The following FNTB variants were observed in gnomAD, a reference collection of about 807,000 sequenced individuals.
FNTB encodes protein farnesyltransferase subunit beta.
A neutral mutation model predicts 59.4 loss-of-function variants in FNTB; 27 were observed. That is an observed-to-expected ratio of 0.45 (90% CI 0.34 to 0.63). The LOEUF (loss-of-function observed/expected upper bound fraction) is 0.63. Among genes scored for constraint, FNTB ranks in the 20% least tolerant of loss-of-function variants. The pLI is 0.02. For missense variants in FNTB, 449 were observed against 559.6 expected, an observed-to-expected ratio of 0.80 and a Z score of 1.99; for synonymous variants, 230 against 220.7, an observed-to-expected ratio of 1.04 and a Z score of -0.37.
At chr14:65,037,520 G>C (rs1312243816) in intron 7 of FNTB, among the ~76,000 whole-genome samples, 1 of 131,592 alleles carries the variant, frequency 7.6e-6, no homozygotes, top group African/African-American at 2.8e-5. Flanking sequence ...CTGTTGCCTC[G>C]ACTTTCCAGG....
intron 11 of FNTB, 120 bp from the exon 12 acceptor site, chr14:65,061,061 T>C: frequency 6.7e-7 from 1 of 1,489,306 alleles, no homozygotes; most frequent in Non-Finnish European, 9.0e-7. Context: ...CTTTGGGCTT[T>C]GTGTGTATCT....
intron 7 of FNTB, among the ~76,000 whole-genome samples, chr14:65,037,218 C>T (rs1479218501): frequency 2.0e-5 from 3 of 151,324 alleles, no homozygotes; most frequent in Non-Finnish European, 4.4e-5. Context: ...ATTCTCCTGC[C>T]TCAGCCTCCT....
At position 65,031,979 on chromosome 14, in the gene FNTB, C is replaced by CGTGTGTGTGTGTGTGTGTGT. The variant is rs563468928; in HGVS notation, c.606-610_606-591dup. The stretch of plus-strand genomic sequence containing the variant: ...ATAGACGTGCGCCTTTTTCATTTAA[C>CGTGTGTGTGTGTGTGTGTGT]GTGTGTGTGTGTGTGTGTGTGTGTG... On this transcript the variant is annotated intron_variant, in intron 6 of 11. Coordinates refer to ENST00000246166, the MANE Select transcript of FNTB (RefSeq NM_002028.4). This position sits in a 1 kb window ranked among gnomAD's most constrained non-coding sequence, Gnocchi z 4.6. 1.3e-3 allele frequency among the ~76,000 whole-genome samples: 180 copies of CGTGTGTGTGTGTGTGTGTGT among 141,270 alleles called. No individual in the cohort carries two copies. The highest frequency in any genetic ancestry group is 4.6e-3 in the African/African-American group (174 of 37,874). 92.7% of individuals were successfully genotyped at this position (141,270 alleles called of 152,430 possible). A position where few individuals can be genotyped will look rare whatever the true frequency, so the allele number is the denominator to read the frequency against.
In FNTB at chr14:65,061,331, G is replaced by C; in HGVS notation, c.*19G>C. ...CGACTAGAGGACCTGGGTCCCGGCAGCTCTTTGCTCACCCATCTCCCCAGT... is the reference window on the plus strand; with the variant it reads ...CGACTAGAGGACCTGGGTCCCGGCACCTCTTTGCTCACCCATCTCCCCAGT... On this transcript the variant is annotated 3_prime_UTR_variant, in exon 12 of 12. Coordinates refer to ENST00000246166, the MANE Select transcript of FNTB (RefSeq NM_002028.4). 2 of 1,612,996 alleles carry C rather than the reference G, an allele frequency of 1.2e-6. No individual in the cohort carries two copies. Among genetic ancestry groups the C allele is most frequent in the Non-Finnish European group, 8.5e-7 (1 of 1,179,936 alleles).
chr14:65,061,874 A>C lies in FNTB; in HGVS notation c.*562A>C, dbSNP rs915515631. On this transcript the variant is annotated 3_prime_UTR_variant, in exon 12 of 12. Coordinates refer to ENST00000246166, the MANE Select transcript of FNTB (RefSeq NM_002028.4). Reference sequence around the variant, plus strand: ...AAAAGAGCTGGAGGTGGGGAGAGAAAGATCTCCTTCAGTTGGGAGTCCTTC... The same window carrying C: ...AAAAGAGCTGGAGGTGGGGAGAGAACGATCTCCTTCAGTTGGGAGTCCTTC... 1 of 155,158 alleles carries C rather than the reference A, an allele frequency of 6.4e-6. No homozygotes were observed. Among genetic ancestry groups the C allele is most frequent in the Non-Finnish European group, 1.4e-5 (1 of 69,742 alleles). 9.6% of individuals were successfully genotyped at this position (155,158 alleles called of 1,614,324 possible). A position where few individuals can be genotyped will look rare whatever the true frequency, so the allele number is the denominator to read the frequency against.
Position 64,990,472 on chromosome 14 carries a change from C to T in FNTB, c.144+3375C>T, listed in dbSNP as rs76963500. On this transcript the variant is annotated intron_variant, in intron 1 of 11. Coordinates refer to ENST00000246166, the MANE Select transcript of FNTB (RefSeq NM_002028.4). This position sits in a 1 kb window ranked among gnomAD's most constrained non-coding sequence, Gnocchi z 5.2. ...CATTTCCTGTCATGTGCCTTCTCTG[C>T]GGAGCTCTTTGTCTCCCTCCCTCTC... Among the ~76,000 whole-genome samples the T allele has an allele frequency of 3.9e-5, 6 of 152,286 alleles. No individual in the cohort carries two copies. Among genetic ancestry groups the T allele is most frequent in the East Asian group, 1.9e-4 (1 of 5,180 alleles).
In FNTB at chr14:65,012,191, C is replaced by A; in HGVS notation, c.210-126C>A. 1 of 1,137,420 alleles carries A rather than the reference C, an allele frequency of 8.8e-7. No homozygotes were observed. The highest frequency in any genetic ancestry group is 1.4e-5 in the South Asian group (1 of 72,002). The allele number at this position is 1,137,420 out of a possible 1,614,324, so 70.5% of individuals were successfully genotyped here. On this transcript the variant is annotated intron_variant, in intron 2 of 11. Transcript: ENST00000246166. This position sits in a 1 kb window ranked among gnomAD's most constrained non-coding sequence, Gnocchi z 5.0. ...GGAACCAGAGAAGTTGCTGGTTATC[C>A]AGTCAGTGATTGCAGGGGGACGTCC...
intron 7 of FNTB, among the ~76,000 whole-genome samples, chr14:65,036,192 T>G (rs886617200): frequency 6.6e-6 from 1 of 152,174 alleles, no homozygotes; most frequent in African/African-American, 2.4e-5. Context: ...TGTCATAGTT[T>G]CCTTATATGT....
intron 7 of FNTB, among the ~76,000 whole-genome samples, chr14:65,039,234 G>A (rs146858191): frequency 5.9e-5 from 9 of 152,298 alleles, no homozygotes; most frequent in Non-Finnish European, 1.3e-4. Context: ...CCTCAGAGAG[G>A]AATCTTCTAA....
rs766318103 is a variant in FNTB, at chr14:65,029,670, G to A, written c.605+1889G>A. Among the ~76,000 whole-genome samples the A allele has an allele frequency of 3.3e-5, 5 of 152,214 alleles. No individual in the cohort carries two copies. The highest frequency in any genetic ancestry group is 7.3e-5 in the Non-Finnish European group (5 of 68,038). ...GCAGAAGTTTGGTGAGAAAGCATGT[G>A]TTGCTCAAGAAAGGACAAGTTCAGT... On this transcript the variant is annotated intron_variant, in intron 6 of 11. Transcript: ENST00000246166. This position sits in a 1 kb window ranked among gnomAD's most constrained non-coding sequence, Gnocchi z 4.7.
intron 1 of FNTB, 123 bp from the exon 2 acceptor site, chr14:65,004,126 G>A: frequency 2.0e-6 from 2 of 1,004,022 alleles, no homozygotes; most frequent in South Asian, 1.6e-5. Flanking sequence ...TTACAGTACT[G>A]TGAAGTTCCA....
chr14:64,989,786 A>G (rs1888117729), intron 1 of FNTB, among the ~76,000 whole-genome samples: 1 of 152,238 alleles, frequency 6.6e-6, no homozygotes, highest in Non-Finnish European at 1.5e-5. Flanking sequence ...GGCCAAGTTG[A>G]TGCCTTTATG....
chr14:65,023,375 C>G lies in FNTB; in HGVS notation c.375-4078C>G, dbSNP rs946183753. On this transcript the variant is annotated intron_variant, in intron 4 of 11. Coordinates refer to ENST00000246166, the MANE Select transcript of FNTB (RefSeq NM_002028.4). This position sits in a 1 kb window ranked among gnomAD's most constrained non-coding sequence, Gnocchi z 4.1. The stretch of plus-strand genomic sequence containing the variant: ...CTGGCCAGAATCAATCACTTTAGAT[C>G]AGTCCTCAGCCATCACCTAAGAGTC... Among the ~76,000 whole-genome samples, 1 of 152,132 alleles carries G rather than the reference C, an allele frequency of 6.6e-6. No homozygotes were observed. The highest frequency in any genetic ancestry group is 1.5e-5 in the Non-Finnish European group (1 of 68,028).
At position 65,031,131 on chromosome 14, in the gene FNTB, T is replaced by A. The variant is rs1489183075; in HGVS notation, c.606-1479T>A. 1.3e-5 allele frequency among the ~76,000 whole-genome samples: 2 copies of A among 151,568 alleles called. No homozygotes were observed. Among genetic ancestry groups the A allele is most frequent in the African/African-American group, 2.4e-5 (1 of 41,228 alleles). ...CCAGGAGAAGGATTTTTGAGCAGAA[T>A]TCAAACCAATGATTTTTGTCTTCCC... is the stretch of plus-strand genomic sequence containing the variant. On this transcript the variant is annotated intron_variant, in intron 6 of 11. Coordinates refer to ENST00000246166, the MANE Select transcript of FNTB (RefSeq NM_002028.4). The surrounding 1 kb of genome is among the most constrained non-coding windows in gnomAD (Gnocchi z 4.6).
In FNTB at chr14:65,027,613, C is replaced by T; in HGVS notation, c.521+14C>T. ...CATCATTAACAGGTACAGTGAAAGC[C>T]AGCAGTGACAGAAACCTAGAGGAGT... On this transcript the variant is annotated intron_variant, in intron 5 of 11. Coordinates refer to ENST00000246166, the MANE Select transcript of FNTB (RefSeq NM_002028.4). This position sits in a 1 kb window ranked among gnomAD's most constrained non-coding sequence, Gnocchi z 5.7. The T allele has an allele frequency of 6.2e-7, 1 of 1,614,096 alleles. No homozygotes were observed. The highest frequency in any genetic ancestry group is 8.5e-7 in the Non-Finnish European group (1 of 1,179,972).
chr14:64,993,910 C>G (rs1168146624), intron 1 of FNTB, among the ~76,000 whole-genome samples: 1 of 150,882 alleles, frequency 6.6e-6, no homozygotes, highest in African/African-American at 2.4e-5. Flanking sequence ...GGCTGGAGTG[C>G]AGTGGTGCGA....
chr14:64,990,728 T>C lies in FNTB; in HGVS notation c.144+3631T>C, dbSNP rs1888166605. ...GGGAGTGACACAGTCTGACTAGCAT[T>C]TTAACAGGCTCATTTAGGTTACTGT... On this transcript the variant is annotated intron_variant, in intron 1 of 11. Transcript: ENST00000246166. The surrounding 1 kb of genome is among the most constrained non-coding windows in gnomAD (Gnocchi z 5.2). 6.6e-6 allele frequency among the ~76,000 whole-genome samples: 1 copy of C among 152,210 alleles called. No homozygotes were observed. Among genetic ancestry groups the C allele is most frequent in the Non-Finnish European group, 1.5e-5 (1 of 68,034 alleles).
chr14:65,053,449 G>A (rs755083134), intron 10 of FNTB, 100 bp downstream of exon 10: 1 of 1,029,290 alleles, frequency 9.7e-7, no homozygotes, highest in Non-Finnish European at 1.3e-6. Flanking sequence ...GAGCAGAGGT[G>A]TCACCTTCAG....
intron 11 of FNTB, among the ~76,000 whole-genome samples, chr14:65,057,572 AAGG>A (rs2062765601): frequency 6.6e-6 from 1 of 152,212 alleles, no homozygotes; most frequent in Non-Finnish European, 1.5e-5. Context: ...AAGCAGACAA[AAGG>A]AGGCACACAT....
Sources: gnomAD v4.1 joint callset for allele counts (sites outside exome capture counted in the v4.1 genomes callset) on GRCh38, gnomAD v4.1.1 for gene constraint, Gnocchi (gnomAD v3.1) non-coding constraint, MANE v1.5 for transcripts, NCBI Gene and HGNC (gene_info 2026-07-23, HGNC 2026-07-21) for gene names.